Variants in DOCK10 observed in about 807,000 individuals in gnomAD.
DOCK10 encodes the protein dedicator of cytokinesis 10.
DOCK10 carries 145 observed loss-of-function variants against 280.1 expected under a neutral mutation model. The ratio of observed to expected loss-of-function variants is 0.52; its 90% confidence interval spans 0.45 to 0.59. The LOEUF is 0.59. Among genes scored for constraint, DOCK10 ranks in the 20% least tolerant of loss-of-function variants. DOCK10 has a pLI of 0.00. For synonymous variants in DOCK10, 915 were observed against 942.2 expected (o/e 0.97, Z 0.53); for missense variants, 2,368 against 2,651.7 (o/e 0.89, Z 2.35).
intron 31 of DOCK10, among the ~76,000 whole-genome samples, chr2:224,809,989 C>CAAAA (rs376029378): frequency 2.6e-5 from 3 of 115,338 alleles, no homozygotes; most frequent in African/African-American, 6.5e-5. Context: ...TATTCAGCCT[C>CAAAA]AAAAAAAAAA....
chr2:224,911,638 A>G (rs1165372290), intron 3 of DOCK10, among the ~76,000 whole-genome samples: 1 of 152,136 alleles, frequency 6.6e-6, no homozygotes, highest in African/African-American at 2.4e-5. Context: ...GCAGGAGCTG[A>G]AGGAGGCTGG....
At chr2:224,979,698 C>G (rs1705645147) in intron 1 of DOCK10, among the ~76,000 whole-genome samples, 2 of 152,224 alleles carry the variant, frequency 1.3e-5, no homozygotes, top group Admixed American at 1.3e-4. Context: ...GGTCTTTCCT[C>G]AAATGCCACT....
At chr2:224,810,739 G>T (rs1415797388) in intron 31 of DOCK10, among the ~76,000 whole-genome samples, 2 of 148,418 alleles carry the variant, frequency 1.3e-5, no homozygotes, top group Non-Finnish European at 3.0e-5. Context: ...GCAGTGTTTG[G>T]TTTTTTGTCC....
At chr2:224,804,982 T>C in intron 37 of DOCK10, 76 bp downstream of exon 37, 1 of 1,373,218 alleles carries the variant, frequency 7.3e-7, no homozygotes. Flanking sequence ...TATGGGTTCT[T>C]GAAATGAAAC....
intron 19 of DOCK10, among the ~76,000 whole-genome samples, chr2:224,847,019 C>A (rs1696407530): frequency 6.6e-6 from 1 of 152,170 alleles, no homozygotes; most frequent in Non-Finnish European, 1.5e-5. Context: ...TTAAAACTAA[C>A]AAACATATCT....
At chr2:224,811,016 G>C (rs1005409928) in intron 31 of DOCK10, among the ~76,000 whole-genome samples, 3 of 152,076 alleles carry the variant, frequency 2.0e-5, no homozygotes, top group African/African-American at 7.2e-5. Context: ...GGGATGGCTG[G>C]GTCAAATGGT....
At chr2:224,841,922 A>G in intron 22 of DOCK10, 26 bp from the exon 23 acceptor site, 5 of 1,520,800 alleles carry the variant, frequency 3.3e-6, no homozygotes, top group Non-Finnish European at 4.6e-6. Flanking sequence ...AAAAGTATTT[A>G]TTTCTGATGA....
Position 224,770,583 on chromosome 2 carries a change from G to A in DOCK10, c.6267C>T (p.Tyr2089=). 6.2e-7 allele frequency: 1 copy of A among 1,613,978 alleles called. No individual in the cohort carries two copies. The highest frequency in any genetic ancestry group is 8.5e-7 in the Non-Finnish European group (1 of 1,179,848). ...AFLEETNAKK[Y]PDNQVKLLKE... ...TCAAAAGCTTTACTTGGTTGTCAGGGTACTTCTTTGCATTGGTTTCTTCAA... is the reference window on the plus strand; with the variant it reads ...TCAAAAGCTTTACTTGGTTGTCAGGATACTTCTTTGCATTGGTTTCTTCAA... Residue 2089 remains tyrosine, a synonymous_variant, in exon 54 of 56, where the codon TAC becomes TAT. Coordinates refer to ENST00000258390, the MANE Select transcript of DOCK10 (RefSeq NM_014689.3). This position sits in a 1 kb window ranked among gnomAD's most constrained non-coding sequence, Gnocchi z 4.5.
At chr2:224,837,999 G>A (rs1695705151) in intron 24 of DOCK10, among the ~76,000 whole-genome samples, 168 bp from the exon 25 acceptor site, 1 of 152,014 alleles carries the variant, frequency 6.6e-6, no homozygotes. Flanking sequence ...TCCAATACTG[G>A]GCATTTAATA....
chr2:224,847,527 G>A (rs556871026), intron 19 of DOCK10, among the ~76,000 whole-genome samples: 1 of 152,288 alleles, frequency 6.6e-6, no homozygotes, highest in South Asian at 2.1e-4. Flanking sequence ...ATGAGAATGA[G>A]AAAGATTAAA....
At position 224,896,278 on chromosome 2, in the gene DOCK10, T is replaced by A. The variant is rs540546871; in HGVS notation, c.416+17A>T. ...ATATTTGGAAAAGACCAATAAGTGC[T>A]CATAACAGGTTCTTACCGGGGTAGC... is the stretch of plus-strand genomic sequence containing the variant. On this transcript the variant is annotated intron_variant, in intron 4 of 55. Transcript: ENST00000258390. 4.0e-6 allele frequency: 6 copies of A among 1,486,976 alleles called. No homozygotes were observed. In the East Asian group the frequency reaches 1.4e-4, roughly 34 times the overall value. The allele number at this position is 1,486,976 out of a possible 1,614,324, so 92.1% of individuals were successfully genotyped here. A position where few individuals can be genotyped will look rare whatever the true frequency, so the allele number is the denominator to read the frequency against.
In DOCK10 at chr2:224,921,105, AAAAAAAAAT is replaced by A. The variant is rs1217095599; in HGVS notation, c.244-4330_244-4322del. ...CACCGTCTCTATTAAAAAAAAAAAAAAAAAAAAATATATATATATATATATATATAATGT... is the reference window on the plus strand; with the variant it reads ...CACCGTCTCTATTAAAAAAAAAAAAAATATATATATATATATATATAATGT... On this transcript the variant is annotated intron_variant, in intron 2 of 55. Transcript: ENST00000258390. Among the ~76,000 whole-genome samples the A allele has an allele frequency of 3.3e-3, 211 of 63,438 alleles. 5 individuals are homozygous for A. Among genetic ancestry groups the A allele is most frequent in the African/African-American group, 0.012 (198 of 16,020 alleles). The allele number at this position is 63,438 out of a possible 152,430, so 41.6% of individuals were successfully genotyped here.
chr2:224,873,313 A>G (rs533306193), intron 11 of DOCK10, among the ~76,000 whole-genome samples: 1 of 152,298 alleles, frequency 6.6e-6, no homozygotes, highest in African/African-American at 2.4e-5. Context: ...GTGGTAGCTC[A>G]TGCCTGTAAT....
At chr2:224,953,884 C>T (rs1703898725) in intron 1 of DOCK10, among the ~76,000 whole-genome samples, 1 of 151,862 alleles carries the variant, frequency 6.6e-6, no homozygotes, top group Admixed American at 6.6e-5. Context: ...ATAACAGAGA[C>T]TGCAGTTTGT....
chr2:224,916,900 A>C, intron 2 of DOCK10, 116 bp from the exon 3 acceptor site: 1 of 737,324 alleles, frequency 1.4e-6, no homozygotes, highest in Non-Finnish European at 2.3e-6. Context: ...AGTTAACAGA[A>C]GACAGAGACA....
At chr2:224,842,836 C>T (rs1257909982) in intron 22 of DOCK10, among the ~76,000 whole-genome samples, 5 of 152,282 alleles carry the variant, frequency 3.3e-5, no homozygotes, top group Non-Finnish European at 5.9e-5. Context: ...ACCACTACTT[C>T]CACACACACC....
In DOCK10 at chr2:224,995,347, T is replaced by C. The variant is rs564739575; in HGVS notation, c.123+46905A>G. The stretch of plus-strand genomic sequence containing the variant: ...GTTGGAGTCCGCCTTGAAGACAGTC[T>C]CACTGTAGACACCCACTGCCACACA... On this transcript the variant is annotated intron_variant, in intron 1 of 55. Transcript: ENST00000258390. Among the ~76,000 whole-genome samples the C allele has an allele frequency of 2.0e-5, 3 of 152,342 alleles. No individual in the cohort carries two copies. The South Asian group carries it at 6.2e-4, about 32-fold the overall frequency.
intron 7 of DOCK10, among the ~76,000 whole-genome samples, chr2:224,881,961 G>A (rs1467506456): frequency 6.6e-6 from 1 of 152,150 alleles, no homozygotes; most frequent in African/African-American, 2.4e-5. Context: ...CCTACAGGAG[G>A]TATCTGCATT....
intron 2 of DOCK10, among the ~76,000 whole-genome samples, chr2:224,928,694 G>A (rs550592131): frequency 6.6e-6 from 1 of 152,302 alleles, no homozygotes; most frequent in African/African-American, 2.4e-5. Flanking sequence ...CCATTTGGAG[G>A]ATGTGACATT....
Sources: allele counts gnomAD v4.1 joint callset (sites outside exome capture counted in the v4.1 genomes callset), GRCh38; gene constraint gnomAD v4.1.1; non-coding constraint Gnocchi (gnomAD v3.1); transcripts MANE v1.5; gene names NCBI Gene and HGNC (gene_info 2026-07-23, HGNC 2026-07-21).